The following CALN1 variants were observed in gnomAD, a reference collection of about 807,000 sequenced individuals.
CALN1 encodes the protein calneuron 1, also known as calcium-binding protein 8.
A neutral mutation model predicts 30.6 loss-of-function variants in CALN1; 17 were observed. That is an observed-to-expected ratio of 0.56 (90% confidence interval 0.38 to 0.83). CALN1 has a LOEUF of 0.83. Among genes scored for constraint, CALN1 ranks in the 40% least tolerant of loss-of-function variants. The pLI, the probability that CALN1 is intolerant of heterozygous loss-of-function variation, is 0.00. For synonymous variants in CALN1, 156 were observed against 131.4 expected (o/e 1.19, Z -1.28); for missense variants, 291 against 354.9 (o/e 0.82, Z 1.45).
chr7:72,383,302 G>A (rs1805022113), intron 2 of CALN1, among the ~76,000 whole-genome samples: 1 of 152,172 alleles, frequency 6.6e-6, no homozygotes, highest in Non-Finnish European at 1.5e-5. Context: ...CGGGGTGAAA[G>A]GACACTTCTG....
rs576459921 is a variant in CALN1, at chr7:72,196,444, A to G, written c.244+82242T>C. ...TTCAGTTTCTTTATGGAGCAACAAA[A>G]ATGTTCTAAAAGTGATTACCCTGAT... On this transcript the variant is annotated intron_variant, in intron 3 of 6. Transcript: ENST00000395275. Among the ~76,000 whole-genome samples, 30 of 152,178 alleles carry G rather than the reference A, an allele frequency of 2.0e-4. No individual in the cohort carries two copies. In the South Asian group the frequency reaches 6.0e-3, roughly 31 times the overall value.
chr7:72,397,343 A>ACAAGATC (rs1468570379), intron 2 of CALN1, among the ~76,000 whole-genome samples: 3 of 152,144 alleles, frequency 2.0e-5, no homozygotes, highest in Admixed American at 2.0e-4. Flanking sequence ...CTAGAAGATG[A>ACAAGATC]CAAGATCAAG....
Position 72,151,859 on chromosome 7 carries a change from A to G in CALN1, c.245-45565T>C, listed in dbSNP as rs929669767. Among the ~76,000 whole-genome samples, 28 of 151,376 alleles carry G rather than the reference A, an allele frequency of 1.8e-4. 1 individual carries two copies. The highest frequency in any genetic ancestry group is 1.3e-3 in the South Asian group (6 of 4,762). The stretch of plus-strand genomic sequence containing the variant: ...CCCGAGTAGCTGGGACTACAGGTGC[A>G]TATCACCACACCTGGCTATTTTTAT... On this transcript the variant is annotated intron_variant, in intron 3 of 6. Transcript: ENST00000395275.
At chr7:72,127,915 G>A (rs1428246086) in intron 3 of CALN1, among the ~76,000 whole-genome samples, 2 of 152,060 alleles carry the variant, frequency 1.3e-5, no homozygotes, top group African/African-American at 2.4e-5. Context: ...GAGAGAGACT[G>A]ATGTATTTTA....
At chr7:72,165,324 C>T (rs1323840265) in intron 3 of CALN1, among the ~76,000 whole-genome samples, 2 of 152,078 alleles carry the variant, frequency 1.3e-5, no homozygotes, top group Non-Finnish European at 2.9e-5. Flanking sequence ...TTTGAGAAGC[C>T]GAGGCGGGCA....
rs566117555 is a variant in CALN1 at position 72,395,094 on chromosome 7, C to A, written c.119+8157G>T. On this transcript the variant is annotated intron_variant, in intron 2 of 6. Coordinates refer to ENST00000395275, the MANE Select transcript of CALN1 (RefSeq NM_031468.4). ...TAACACATAAACTCTATGGTAAGTACTAACCTACCTCCCCAAGACCCTGTA... is the reference window on the plus strand; with the variant it reads ...TAACACATAAACTCTATGGTAAGTAATAACCTACCTCCCCAAGACCCTGTA... 1.3e-4 allele frequency among the ~76,000 whole-genome samples: 20 copies of A among 152,278 alleles called. No homozygotes were observed. The South Asian group carries it at 3.3e-3, about 25-fold the overall frequency.
intron 2 of CALN1, among the ~76,000 whole-genome samples, chr7:72,299,876 TTTTTG>T (rs769362171): frequency 5.7e-4 from 87 of 151,604 alleles, no homozygotes; most frequent in Non-Finnish European, 1.1e-3. Context: ...TTTGTTTCAA[TTTTTG>T]TTTTGTTTTG....
At chr7:72,215,332 G>A (rs990025068) in intron 3 of CALN1, among the ~76,000 whole-genome samples, 3 of 152,126 alleles carry the variant, frequency 2.0e-5, no homozygotes, top group African/African-American at 4.8e-5. Flanking sequence ...AGTGGCTCAC[G>A]CCTGTAATCC....
At chr7:72,140,081 G>A (rs1809786071) in intron 3 of CALN1, among the ~76,000 whole-genome samples, 1 of 151,782 alleles carries the variant, frequency 6.6e-6, no homozygotes, top group South Asian at 2.1e-4. Context: ...AACCAGCCTG[G>A]GCAACAAAGT....
chr7:72,288,352 G>A (rs1798241256), intron 2 of CALN1, among the ~76,000 whole-genome samples: 1 of 152,206 alleles, frequency 6.6e-6, no homozygotes, highest in South Asian at 2.1e-4. Context: ...ATGGGAGCTG[G>A]ATCACCCCAA....
At chr7:72,408,104 A>C (rs2129562745) in intron 1 of CALN1, among the ~76,000 whole-genome samples, 1 of 152,106 alleles carries the variant, frequency 6.6e-6, no homozygotes, top group East Asian at 1.9e-4. Flanking sequence ...ACATTTAATC[A>C]ATGCCAGTTC....
chr7:72,215,007 C>T (rs1380440310), intron 3 of CALN1, among the ~76,000 whole-genome samples: 1 of 151,848 alleles, frequency 6.6e-6, no homozygotes, highest in African/African-American at 2.4e-5. Flanking sequence ...ATGATTATTT[C>T]ATTATATTAA....
At chr7:72,301,339 G>A (rs1048495132) in intron 2 of CALN1, among the ~76,000 whole-genome samples, 2 of 152,000 alleles carry the variant, frequency 1.3e-5, no homozygotes, top group Admixed American at 1.3e-4. Context: ...CGGGCTGGGT[G>A]GCTCACACCT....
chr7:72,381,592 A>G (rs1804903579), intron 2 of CALN1, among the ~76,000 whole-genome samples: 1 of 152,232 alleles, frequency 6.6e-6, no homozygotes, highest in South Asian at 2.1e-4. Context: ...CAGCAAACTA[A>G]CACAGGAACA....
the CALN1 span, among the ~76,000 whole-genome samples, chr7:72,493,370 A>G: frequency 6.6e-6 from 1 of 150,678 alleles, no homozygotes; most frequent in Non-Finnish European, 1.5e-5. Context: ...ACAAAGACTG[A>G]CTCTGTCACC....
At chr7:72,069,534 C>T (rs1804248631) in intron 4 of CALN1, among the ~76,000 whole-genome samples, 1 of 152,108 alleles carries the variant, frequency 6.6e-6, no homozygotes, top group Non-Finnish European at 1.5e-5. Flanking sequence ...TTTCTGGCTA[C>T]ACCACTCCAA....
At chr7:72,094,019 G>A (rs373593058) in intron 4 of CALN1, among the ~76,000 whole-genome samples, 5 of 152,260 alleles carry the variant, frequency 3.3e-5, no homozygotes, top group African/African-American at 1.2e-4. Context: ...ACACAACTAA[G>A]GCAGTTGCCT....
chr7:72,427,317 T>C (rs2129563881), intron 1 of CALN1, among the ~76,000 whole-genome samples: 1 of 152,164 alleles, frequency 6.6e-6, no homozygotes, highest in South Asian at 2.1e-4. Flanking sequence ...AACCAAATTT[T>C]CCTTAGCTCA....
At chr7:72,106,405 T>C (rs1807113119) in intron 3 of CALN1, 111 bp from the exon 4 acceptor site, 2 of 1,298,850 alleles carry the variant, frequency 1.5e-6, no homozygotes, top group African/African-American at 1.5e-5. Flanking sequence ...AACAGTGATT[T>C]GTTAAAACTC....
Sources: allele counts gnomAD v4.1 joint callset (sites outside exome capture counted in the v4.1 genomes callset), GRCh38; gene constraint gnomAD v4.1.1; transcripts MANE v1.5; gene names NCBI Gene and HGNC (gene_info 2026-07-23, HGNC 2026-07-21).